PDE1C: variants seen among roughly 807,000 people sequenced by gnomAD.
PDE1C encodes the protein dual specificity calcium/calmodulin-dependent 3',5'-cyclic nucleotide phosphodiesterase 1C.
PDE1C carries 62 observed loss-of-function variants against 93.1 expected under a neutral mutation model. That is an observed-to-expected ratio of 0.67 (90% CI 0.54 to 0.82). The LOEUF is 0.82. Among genes scored for constraint, PDE1C ranks in the 40% least tolerant of loss-of-function variants. The pLI is 0.00. For synonymous variants in PDE1C, 325 were observed against 310.1 expected (o/e 1.05, Z -0.50); for missense variants, 742 against 884.6 (o/e 0.84, Z 2.04).
chr7:32,071,838 G>A (rs1252711099), upstream of PDE1C, among the ~76,000 whole-genome samples: 1 of 152,150 alleles, frequency 6.6e-6, no homozygotes, highest in African/African-American at 2.4e-5. Context: ...TCACAGAAGG[G>A]TCCGTCAAAC....
intron 17 of PDE1C, among the ~76,000 whole-genome samples, chr7:31,770,434 G>A (rs1795410632): frequency 6.6e-6 from 1 of 152,174 alleles, no homozygotes; most frequent in Non-Finnish European, 1.5e-5. Flanking sequence ...TTGGTTGTTT[G>A]CACGTTGTTA....
chr7:31,826,902 C>T (rs1357831440), intron 12 of PDE1C, among the ~76,000 whole-genome samples: 1 of 152,168 alleles, frequency 6.6e-6, no homozygotes, highest in Non-Finnish European at 1.5e-5. Context: ...AACCACTTAA[C>T]TCTGCCACTA....
In PDE1C at chr7:31,919,895, C is replaced by T. The variant is rs374296121; in HGVS notation, c.129-39035G>A. Among the ~76,000 whole-genome samples the T allele has an allele frequency of 4.4e-3, 666 of 152,212 alleles. 7 individuals carry two copies. Among genetic ancestry groups the T allele is most frequent in the African/African-American group, 0.015 (641 of 41,532 alleles). On this transcript the variant is annotated intron_variant, in intron 2 of 17. Transcript: ENST00000396191. ...CCCTCCACTTGGCAGGTGTAGGTTG[C>T]GTTTTCTGGCTCCTCTGAGCAGCCT...
chr7:32,241,848 A>C (rs1050146519), intron 1 of PDE1C, among the ~76,000 whole-genome samples: 12 of 152,134 alleles, frequency 7.9e-5, no homozygotes, highest in Non-Finnish European at 8.8e-5. Context: ...AGATGGGTAG[A>C]CACAGCAAGT....
the PDE1C span, among the ~76,000 whole-genome samples, chr7:31,660,928 CAT>C: frequency 6.6e-6 from 1 of 151,702 alleles, no homozygotes; most frequent in Non-Finnish European, 1.5e-5. Flanking sequence ...TGTACACACA[CAT>C]ATATGCCTAT....
chr7:31,721,322 C>T, the PDE1C span, among the ~76,000 whole-genome samples: 2 of 151,718 alleles, frequency 1.3e-5, no homozygotes, highest in East Asian at 3.8e-4. Context: ...ATAGAATTCC[C>T]TAAAATGACA....
intron 2 of PDE1C, among the ~76,000 whole-genome samples, chr7:31,942,280 C>A (rs974729560): frequency 6.6e-6 from 1 of 152,108 alleles, no homozygotes; most frequent in East Asian, 1.9e-4. Flanking sequence ...ATCATGAATT[C>A]TTCTAAAGCT....
intron 3 of PDE1C, among the ~76,000 whole-genome samples, chr7:32,110,826 T>C (rs1319563867): frequency 2.0e-5 from 3 of 152,204 alleles, no homozygotes; most frequent in Non-Finnish European, 4.4e-5. Flanking sequence ...ATATCTCACA[T>C]TGAGATACAT....
At chr7:32,177,851 C>G (rs1803117831) in intron 2 of PDE1C, among the ~76,000 whole-genome samples, 1 of 152,188 alleles carries the variant, frequency 6.6e-6, no homozygotes, top group Admixed American at 6.5e-5. Flanking sequence ...GTTGGCCTTA[C>G]TGTATTTAAT....
At chr7:32,004,347 G>A (rs1398150373) in intron 2 of PDE1C, among the ~76,000 whole-genome samples, 1 of 152,166 alleles carries the variant, frequency 6.6e-6, no homozygotes, top group Non-Finnish European at 1.5e-5. Context: ...CTGAGGAGGA[G>A]TGAGCTACAA....
chr7:31,984,280 G>T (rs1224783187), intron 2 of PDE1C, among the ~76,000 whole-genome samples: 1 of 152,102 alleles, frequency 6.6e-6, no homozygotes, highest in Admixed American at 6.5e-5. Context: ...TGTGAATTGT[G>T]CACATGAGGG....
chr7:32,144,647 T>TA (rs1447356329), intron 3 of PDE1C, among the ~76,000 whole-genome samples: 2 of 152,194 alleles, frequency 1.3e-5, no homozygotes, highest in African/African-American at 4.8e-5. Context: ...AATGTCCCTA[T>TA]ACCTGCTGTG....
rs572183862 is a variant in PDE1C, at chr7:32,277,259, A to G, written c.85+21392T>C. Among the ~76,000 whole-genome samples the G allele has an allele frequency of 1.1e-4, 16 of 152,294 alleles. 1 individual carries two copies. In the South Asian group the frequency reaches 3.3e-3, roughly 32 times the overall value. On this transcript the variant is annotated intron_variant, in intron 1 of 18. Coordinates refer to the PDE1C transcript ENST00000396193. The stretch of plus-strand genomic sequence containing the variant: ...GCAAGACCCTGCCTCAAAAAACAAA[A>G]ACAAAAAAATCTGTATGCATGCTAA...
At chr7:32,126,196 CTA>C in intron 3 of PDE1C, among the ~76,000 whole-genome samples, 1 of 130,148 alleles carries the variant, frequency 7.7e-6, no homozygotes, top group East Asian at 2.3e-4. Flanking sequence ...ACCCAATCCA[CTA>C]TTCTAGATAG....
intron 1 of PDE1C, among the ~76,000 whole-genome samples, chr7:32,313,185 A>G (rs1783091132): frequency 6.6e-6 from 1 of 152,216 alleles, no homozygotes; most frequent in African/African-American, 2.4e-5. Flanking sequence ...AGAGAAATGC[A>G]AATCAAAACC....
At chr7:32,424,891 A>C (rs1027547594) in intron 1 of PDE1C, among the ~76,000 whole-genome samples, 5 of 152,176 alleles carry the variant, frequency 3.3e-5, no homozygotes, top group Non-Finnish European at 7.3e-5. Flanking sequence ...AGCACACAGC[A>C]TTTAAGACAA....
chr7:31,618,201 T>TTTCAC, the PDE1C span, among the ~76,000 whole-genome samples: 2 of 152,146 alleles, frequency 1.3e-5, no homozygotes, highest in African/African-American at 4.8e-5. Context: ...AGATCAGCCT[T>TTTCAC]TTCACTTCAT....
At chr7:32,173,244 A>C in intron 2 of PDE1C, among the ~76,000 whole-genome samples, 1 of 152,310 alleles carries the variant, frequency 6.6e-6, no homozygotes, top group Non-Finnish European at 1.5e-5. Flanking sequence ...TATCATCCTC[A>C]GCAAACTAAC....
chr7:31,714,436 T>G, the PDE1C span, among the ~76,000 whole-genome samples: 1 of 152,314 alleles, frequency 6.6e-6, no homozygotes, highest in Admixed American at 6.5e-5. Context: ...TTTTCCTGTC[T>G]TCTTCTGAGC....
Sources: allele counts gnomAD v4.1 joint callset (sites outside exome capture counted in the v4.1 genomes callset), GRCh38; gene constraint gnomAD v4.1.1; transcripts MANE v1.5; gene names NCBI Gene and HGNC (gene_info 2026-07-23, HGNC 2026-07-21).